Variants in NUP98 observed in about 807,000 individuals in gnomAD.
The protein encoded by NUP98 is nuclear pore complex protein Nup98-Nup96.
In NUP98, 26 loss-of-function variants were observed where a neutral mutation model predicts 191.9. The observed-to-expected ratio is 0.14, with a 90% confidence interval of 0.10 to 0.19. The LOEUF (loss-of-function observed/expected upper bound fraction) is 0.19, where lower values mean the gene tolerates loss of function less well. Among genes scored for constraint, NUP98 ranks in the 10% least tolerant of loss-of-function variants. The pLI is 1.00. For missense variants in NUP98, 1,941 were observed against 2,178.8 expected (o/e 0.89, Z 2.17); for synonymous variants, 808 against 778.4 (o/e 1.04, Z -0.63).
In NUP98 at chr11:3,768,349, A is replaced by G. The variant is rs888406806; in HGVS notation, c.948+232T>C. 2.0e-5 allele frequency among the ~76,000 whole-genome samples: 3 copies of G among 150,088 alleles called. No individual in the cohort carries two copies. In the Admixed American group the frequency reaches 2.0e-4, roughly 10 times the overall value. On this transcript the variant is annotated intron_variant, in intron 8 of 32. Coordinates refer to ENST00000324932, the MANE Select transcript of NUP98 (RefSeq NM_016320.5). The stretch of plus-strand genomic sequence containing the variant: ...GGCAGGAGAATGGCATGAACCTGGG[A>G]GGCGGAGCTTGCAGTGAGCTGAGAC...
chr11:3,693,954 G>C (rs2078407079), intron 26 of NUP98, among the ~76,000 whole-genome samples: 1 of 152,182 alleles, frequency 6.6e-6, no homozygotes. Context: ...ATGCCAGCCA[G>C]GCACTGTGGC....
intron 6 of NUP98, 126 bp downstream of exon 6, chr11:3,773,500 GGTTAAT>G: frequency 2.0e-6 from 1 of 488,842 alleles, no homozygotes; most frequent in Admixed American, 3.9e-5. Context: ...AAAATAATTT[GGTTAAT>G]GTTAATTTTT....
chr11:3,696,782 C>T (rs2078521689), intron 25 of NUP98: 1 of 151,840 alleles, frequency 6.6e-6, no homozygotes, highest in Admixed American at 6.6e-5. Context: ...TGCACTCCAT[C>T]CTGGGGTACA....
chr11:3,752,592 A>G (rs543647476), intron 11 of NUP98, among the ~76,000 whole-genome samples: 301 of 147,826 alleles, frequency 2.0e-3, no homozygotes, highest in Admixed American at 4.1e-3. Context: ...ATAGAAGGGG[A>G]AAAAAAAAAC....
intron 12 of NUP98, among the ~76,000 whole-genome samples, chr11:3,741,386 C>A (rs1284115972): frequency 1.3e-5 from 2 of 151,988 alleles, no homozygotes; most frequent in Non-Finnish European, 2.9e-5. Flanking sequence ...CTTTGGGAGG[C>A]TGAGGCAGGT....
chr11:3,786,704 T>G (rs1252503752), intron 1 of NUP98, among the ~76,000 whole-genome samples: 3 of 152,194 alleles, frequency 2.0e-5, no homozygotes, highest in African/African-American at 7.2e-5. Flanking sequence ...GTTTTACATA[T>G]CTTAACTTTT....
At chr11:3,701,492 C>T (rs1030028117) in intron 23 of NUP98, among the ~76,000 whole-genome samples, 5 of 151,422 alleles carry the variant, frequency 3.3e-5, no homozygotes, top group Non-Finnish European at 5.9e-5. Context: ...GAACTCCTGA[C>T]CTCAAGTGAT....
rs1191655798 is a variant in NUP98, at chr11:3,797,497, G to C, written c.-126C>G. ...CCCCCACGAAACCGTCGCCGCCGCC[G>C]CTACCACCCCTGCCACCGACCGCCG... On this transcript the variant is annotated 5_prime_UTR_variant, in exon 1 of 33. Transcript: ENST00000324932. 2 of 431,842 alleles carry C rather than the reference G, an allele frequency of 4.6e-6. No individual in the cohort carries two copies. The highest frequency in any genetic ancestry group is 3.6e-5 in the East Asian group (1 of 28,138). 26.8% of individuals were successfully genotyped at this position (431,842 alleles called of 1,614,324 possible).
intron 1 of NUP98, among the ~76,000 whole-genome samples, chr11:3,789,589 C>T (rs750946417): frequency 1.1e-4 from 16 of 145,322 alleles, no homozygotes; most frequent in Non-Finnish European, 2.1e-4. Context: ...GATCATGGCT[C>T]ACTGCAGCCT....
intron 14 of NUP98, among the ~76,000 whole-genome samples, chr11:3,730,823 C>A (rs781776547): frequency 2.7e-5 from 4 of 150,600 alleles, no homozygotes; most frequent in Admixed American, 1.3e-4. Flanking sequence ...AACAAAAAAA[C>A]CTAATTATTC....
At chr11:3,738,980 G>A (rs900914010) in intron 12 of NUP98, among the ~76,000 whole-genome samples, 1 of 151,968 alleles carries the variant, frequency 6.6e-6, no homozygotes, top group Non-Finnish European at 1.5e-5. Context: ...TTAAGACAAG[G>A]CACACTCACA....
At chr11:3,684,976 C>G (rs1160878184) in intron 29 of NUP98, among the ~76,000 whole-genome samples, 1 of 138,240 alleles carries the variant, frequency 7.2e-6, no homozygotes, top group Non-Finnish European at 1.5e-5. Flanking sequence ...AGTTGGAAAC[C>G]TCACTCTGCC....
rs117209943 is a variant in NUP98, at chr11:3,705,825, A to G, written c.2926-469T>C. Among the ~76,000 whole-genome samples, 361 of 152,240 alleles carry G rather than the reference A, an allele frequency of 2.4e-3. 9 individuals are homozygous for G. The East Asian group carries it at 0.052, about 22-fold the overall frequency. ...AGAAAAATCAGTACTCACAGCTATTATATGACTTGCACAAAGTAATAAAGT... is the reference window on the plus strand; with the variant it reads ...AGAAAAATCAGTACTCACAGCTATTGTATGACTTGCACAAAGTAATAAAGT... On this transcript the variant is annotated intron_variant, in intron 21 of 32. Transcript: ENST00000324932.
chr11:3,750,059 T>C (rs1016976192), intron 11 of NUP98, among the ~76,000 whole-genome samples: 6 of 152,350 alleles, frequency 3.9e-5, no homozygotes, highest in East Asian at 3.9e-4. Context: ...ATCAAATAAA[T>C]GTCCATCAAT....
intron 11 of NUP98, among the ~76,000 whole-genome samples, chr11:3,751,306 C>T (rs549216020): frequency 1.3e-5 from 2 of 152,148 alleles, no homozygotes; most frequent in African/African-American, 2.4e-5. Flanking sequence ...TGCGGTGAGC[C>T]GAGATTGTGC....
intron 20 of NUP98, among the ~76,000 whole-genome samples, chr11:3,711,385 A>G (rs966616558): frequency 1.3e-5 from 2 of 152,122 alleles, no homozygotes; most frequent in Admixed American, 1.3e-4. Flanking sequence ...TTTTTCTACT[A>G]TTTCTATTCT....
intron 20 of NUP98, among the ~76,000 whole-genome samples, chr11:3,706,853 A>G (rs2078877367): frequency 6.6e-6 from 1 of 152,192 alleles, no homozygotes; most frequent in Admixed American, 6.5e-5. Flanking sequence ...TCCCATTCTA[A>G]TATTACGACC....
chr11:3,730,221 C>A (rs568812652), intron 14 of NUP98, among the ~76,000 whole-genome samples: 2 of 151,708 alleles, frequency 1.3e-5, no homozygotes, highest in African/African-American at 2.4e-5. Context: ...GGTAACAGAG[C>A]GACTGTATCA....
chr11:3,684,725 A>C (rs905682470), intron 29 of NUP98, among the ~76,000 whole-genome samples: 1 of 145,284 alleles, frequency 6.9e-6, no homozygotes, highest in Admixed American at 7.3e-5. Context: ...TTAATTTCAC[A>C]ATCACCTTTA....
Sources: allele counts gnomAD v4.1 joint callset (sites outside exome capture counted in the v4.1 genomes callset), GRCh38; gene constraint gnomAD v4.1.1; transcripts MANE v1.5; gene names NCBI Gene and HGNC (gene_info 2026-07-23, HGNC 2026-07-21).